AGAP1: variants seen among roughly 807,000 people sequenced by gnomAD.
AGAP1 encodes the protein ArfGAP with GTPase domain, ankyrin repeat and PH domain 1, also known as arf-GAP with GTPase, ANK repeat and PH domain-containing protein 1.
AGAP1 carries 29 observed loss-of-function variants against 105.3 expected under a neutral mutation model. That is an observed-to-expected ratio of 0.28 (90% CI 0.21 to 0.38). The LOEUF (loss-of-function observed/expected upper bound fraction) is 0.38. Among genes scored for constraint, AGAP1 ranks in the 10% least tolerant of loss-of-function variants. AGAP1 has a pLI of 1.00. For missense variants in AGAP1, 998 were observed against 1,165.1 expected (o/e 0.86, Z 2.09); for synonymous variants, 509 against 485.9 (o/e 1.05, Z -0.63).
intron 1 of AGAP1, among the ~76,000 whole-genome samples, chr2:235,693,809 C>G (rs1401863410): frequency 6.6e-6 from 1 of 152,180 alleles, no homozygotes; most frequent in Non-Finnish European, 1.5e-5. Flanking sequence ...CTGAAAAAAT[C>G]AGAAATAAAC....
intron 1 of AGAP1, among the ~76,000 whole-genome samples, chr2:235,572,574 G>A (rs1944563868): frequency 6.6e-6 from 1 of 152,132 alleles, no homozygotes; most frequent in Admixed American, 6.5e-5. Flanking sequence ...TTTCATCTCT[G>A]AAGTCCCTCC....
At chr2:235,871,879 G>A (rs2049461461) in intron 9 of AGAP1, among the ~76,000 whole-genome samples, 1 of 152,170 alleles carries the variant, frequency 6.6e-6, no homozygotes, top group South Asian at 2.1e-4. Flanking sequence ...CAGGGTCAGT[G>A]TGGGAGGATT....
At chr2:235,759,458 C>T (rs183638144) in intron 6 of AGAP1, among the ~76,000 whole-genome samples, 86 of 152,094 alleles carry the variant, frequency 5.7e-4, no homozygotes, top group East Asian at 4.3e-3. Context: ...CGTGAGCCAC[C>T]GCGCCCGGCC....
rs911161308 is a variant in AGAP1, at chr2:235,927,597, C to T, written c.1325-3168C>T. ...ATCAGCAACCTCCATTGGAACATTT[C>T]GTGGTCCCTTGTCTGGGGTTGAGAT... On this transcript the variant is annotated intron_variant, in intron 11 of 17. Transcript: ENST00000304032. The surrounding 1 kb of genome is among the most constrained non-coding windows in gnomAD (Gnocchi z 4.4). Among the ~76,000 whole-genome samples the T allele has an allele frequency of 2.6e-5, 4 of 152,192 alleles. No individual in the cohort carries two copies. Among genetic ancestry groups the T allele is most frequent in the Non-Finnish European group, 4.4e-5 (3 of 68,034 alleles).
At position 236,042,720 on chromosome 2, in the gene AGAP1, G is replaced by T. The variant is rs2057589417; in HGVS notation, c.1891+1879G>T. Among the ~76,000 whole-genome samples, 1 of 152,108 alleles carries T rather than the reference G, an allele frequency of 6.6e-6. No individual in the cohort carries two copies. The highest frequency in any genetic ancestry group is 1.5e-5 in the Non-Finnish European group (1 of 68,018). ...GCATGTGAGTGCGGATGGGGGGTGG[G>T]AAAGGGAGGCCAGTGCAGGGGAGGT... On this transcript the variant is annotated intron_variant, in intron 15 of 17. Coordinates refer to ENST00000304032, the MANE Select transcript of AGAP1 (RefSeq NM_001037131.3). This position sits in a 1 kb window ranked among gnomAD's most constrained non-coding sequence, Gnocchi z 5.6.
Position 236,129,472 on chromosome 2 carries a change from C to G in AGAP1, c.*5350C>G, listed in dbSNP as rs2060054043. On this transcript the variant is annotated 3_prime_UTR_variant, in exon 18 of 18. Coordinates refer to ENST00000304032, the MANE Select transcript of AGAP1 (RefSeq NM_001037131.3). This position sits in a 1 kb window ranked among gnomAD's most constrained non-coding sequence, Gnocchi z 6.2. ...CTAAGAAACAGTCCTCAGACTGGTC[C>G]TTCCGACACAGGCAGAGAGTGAACT... 1 of 152,238 alleles carries G rather than the reference C, an allele frequency of 6.6e-6. No homozygotes were observed. Among genetic ancestry groups the G allele is most frequent in the African/African-American group, 2.4e-5 (1 of 41,454 alleles). The allele number at this position is 152,238 out of a possible 1,614,324, so 9.4% of individuals were successfully genotyped here.
Position 235,723,765 on chromosome 2 carries a change from C to T in AGAP1, c.310+6121C>T, listed in dbSNP as rs1422203876. On this transcript the variant is annotated intron_variant, in intron 3 of 17. Coordinates refer to ENST00000304032, the MANE Select transcript of AGAP1 (RefSeq NM_001037131.3). This position sits in a 1 kb window ranked among gnomAD's most constrained non-coding sequence, Gnocchi z 6.2. ...ATATGGATTGAGTGGGAGCTTTTAT[C>T]GTTGGTTGGTTGGTTGGTTGGTTGG... Among the ~76,000 whole-genome samples the T allele has an allele frequency of 6.7e-6, 1 of 149,894 alleles. No homozygotes were observed. The highest frequency in any genetic ancestry group is 1.5e-5 in the Non-Finnish European group (1 of 67,516).
Position 235,931,902 on chromosome 2 carries a change from G to A in AGAP1, c.1483+979G>A, listed in dbSNP as rs979259906. Among the ~76,000 whole-genome samples the A allele has an allele frequency of 6.6e-6, 1 of 152,080 alleles. No homozygotes were observed. Among genetic ancestry groups the A allele is most frequent in the Non-Finnish European group, 1.5e-5 (1 of 68,030 alleles). On this transcript the variant is annotated intron_variant, in intron 12 of 17. Transcript: ENST00000304032. The surrounding 1 kb of genome is among the most constrained non-coding windows in gnomAD (Gnocchi z 5.6). Reference sequence around the variant, plus strand: ...GGGTCTGGAAGAGCCTTGTGACTTGGAGCAGACACACACAGCGTCACGCGG... The same window carrying A: ...GGGTCTGGAAGAGCCTTGTGACTTGAAGCAGACACACACAGCGTCACGCGG...
rs2149110894 is a variant in AGAP1, at chr2:235,549,160, A to G, written c.163+54311A>G. Among the ~76,000 whole-genome samples, 1 of 152,254 alleles carries G rather than the reference A, an allele frequency of 6.6e-6. No individual in the cohort carries two copies. The highest frequency in any genetic ancestry group is 1.5e-5 in the Non-Finnish European group (1 of 68,018). On this transcript the variant is annotated intron_variant, in intron 1 of 17. Coordinates refer to ENST00000304032, the MANE Select transcript of AGAP1 (RefSeq NM_001037131.3). This position sits in a 1 kb window ranked among gnomAD's most constrained non-coding sequence, Gnocchi z 4.2. ...CTTCTTCCTGGATTTTATACCTCCTAGTTCTTTGAGGACAGTTTGCCACGT... is the reference window on the plus strand; with the variant it reads ...CTTCTTCCTGGATTTTATACCTCCTGGTTCTTTGAGGACAGTTTGCCACGT...
rs557055931 is a variant in AGAP1 at position 236,127,371 on chromosome 2, C to G, written c.*3249C>G. 6.6e-6 allele frequency: 1 copy of G among 152,370 alleles called. No homozygotes were observed. The highest frequency in any genetic ancestry group is 2.1e-4 in the South Asian group (1 of 4,830). 9.4% of individuals were successfully genotyped at this position (152,370 alleles called of 1,614,324 possible). A position where few individuals can be genotyped will look rare whatever the true frequency, so the allele number is the denominator to read the frequency against. On this transcript the variant is annotated 3_prime_UTR_variant, in exon 18 of 18. Coordinates refer to ENST00000304032, the MANE Select transcript of AGAP1 (RefSeq NM_001037131.3). This position sits in a 1 kb window ranked among gnomAD's most constrained non-coding sequence, Gnocchi z 6.6. ...GAGCAAGTGACAAGTTCCTGAGTCA[C>G]TGGCCCCAAAACCAGGTGCAGTGTC...
intron 1 of AGAP1, among the ~76,000 whole-genome samples, chr2:235,531,888 A>C (rs1442491670): frequency 3.3e-5 from 5 of 152,150 alleles, no homozygotes; most frequent in Admixed American, 3.3e-4. Context: ...CTGGGATTAC[A>C]GACGTGAACC....
chr2:235,759,205 G>T (rs2149768761), intron 6 of AGAP1, among the ~76,000 whole-genome samples: 1 of 127,652 alleles, frequency 7.8e-6, no homozygotes, highest in African/African-American at 2.9e-5. Context: ...GTCTCGCTCT[G>T]TCACCCAGGC....
chr2:235,839,603 TG>T (rs1960568713), intron 9 of AGAP1, among the ~76,000 whole-genome samples: 1 of 152,130 alleles, frequency 6.6e-6, no homozygotes, highest in African/African-American at 2.4e-5. Flanking sequence ...CAAAACGTGA[TG>T]TTGGAGGAGC....
intron 1 of AGAP1, among the ~76,000 whole-genome samples, chr2:235,674,780 C>G (rs1418242551): frequency 6.6e-6 from 1 of 151,428 alleles, no homozygotes; most frequent in Non-Finnish European, 1.5e-5. Flanking sequence ...CCTCCCCCTC[C>G]CAGGTTCAAG....
chr2:235,798,957 A>C (rs1957368190), intron 7 of AGAP1, among the ~76,000 whole-genome samples: 1 of 151,726 alleles, frequency 6.6e-6, no homozygotes, highest in Non-Finnish European at 1.5e-5. Context: ...AAAAACACTT[A>C]GATTTTCCAG....
At chr2:236,066,973 T>A (rs1348616825) in intron 16 of AGAP1, among the ~76,000 whole-genome samples, 1 of 152,238 alleles carries the variant, frequency 6.6e-6, no homozygotes, top group Non-Finnish European at 1.5e-5. Flanking sequence ...CTACCAATGA[T>A]ACATTTTCCC....
At chr2:235,703,439 G>C (rs1385417305) in intron 1 of AGAP1, among the ~76,000 whole-genome samples, 2 of 151,608 alleles carry the variant, frequency 1.3e-5, no homozygotes, top group African/African-American at 4.9e-5. Flanking sequence ...GGTAATAGGA[G>C]AGCTTCCTCT....
chr2:235,834,662 C>T, intron 9 of AGAP1, among the ~76,000 whole-genome samples: 1 of 152,152 alleles, frequency 6.6e-6, no homozygotes, highest in East Asian at 1.9e-4. Flanking sequence ...CTTAGCAGAC[C>T]ATTAGAAAGG....
rs183017474 is a variant in AGAP1 at position 235,602,991 on chromosome 2, C to T, written c.164-106188C>T. ...TGCTGGGATTGCAGGCGTGAGCCAC[C>T]GTGCCTGGCCCATCGGACACACTTC... On this transcript the variant is annotated intron_variant, in intron 1 of 17. Transcript: ENST00000304032. 1.8e-4 allele frequency among the ~76,000 whole-genome samples: 27 copies of T among 152,264 alleles called. No homozygotes were observed. In the East Asian group the frequency reaches 2.7e-3, roughly 15 times the overall value.
Sources: gnomAD v4.1 joint callset for allele counts (sites outside exome capture counted in the v4.1 genomes callset) on GRCh38, gnomAD v4.1.1 for gene constraint, Gnocchi (gnomAD v3.1) non-coding constraint, MANE v1.5 for transcripts, NCBI Gene and HGNC (gene_info 2026-07-23, HGNC 2026-07-21) for gene names.